Variants in STX12 observed in about 807,000 individuals in gnomAD.
The protein encoded by STX12 is syntaxin 12.
In STX12, 17 loss-of-function variants were observed where a neutral mutation model predicts 42.2. That is an observed-to-expected ratio of 0.40 (90% CI 0.28 to 0.60). The LOEUF is 0.60. Ranked by LOEUF, STX12 falls within the 20% of genes least tolerant of loss-of-function variation. STX12 has a pLI of 0.39. For missense variants in STX12, 297 were observed against 330.9 expected, an observed-to-expected ratio of 0.90 and a Z score of 0.79; for synonymous variants, 108 against 116.7, an observed-to-expected ratio of 0.93 and a Z score of 0.48.
intron 5 of STX12, among the ~76,000 whole-genome samples, chr1:27,810,835 T>C (rs1157013674): frequency 6.6e-6 from 1 of 152,166 alleles, no homozygotes; most frequent in Non-Finnish European, 1.5e-5. Flanking sequence ...CACTACACTA[T>C]GAGCACCTCA....
At chr1:27,803,100 C>T (rs182330148) in intron 4 of STX12, among the ~76,000 whole-genome samples, 88 of 152,112 alleles carry the variant, frequency 5.8e-4, no homozygotes, top group African/African-American at 2.1e-3. Context: ...AAAGATCTAA[C>T]GTAGTTTTAA....
At chr1:27,791,447 T>C (rs1487195263) in intron 2 of STX12, among the ~76,000 whole-genome samples, 1 of 152,158 alleles carries the variant, frequency 6.6e-6, no homozygotes, top group Non-Finnish European at 1.5e-5. Flanking sequence ...AGACTGATAG[T>C]AGGGACTCCT....
chr1:27,819,825 C>T, intron 8 of STX12, 93 bp downstream of exon 8: 1 of 1,108,538 alleles, frequency 9.0e-7, no homozygotes, highest in Non-Finnish European at 1.3e-6. Context: ...ACAGCCTTTG[C>T]TTAGGTTTAA....
At chr1:27,785,669 G>A (rs2088694606) in intron 1 of STX12, among the ~76,000 whole-genome samples, 1 of 152,172 alleles carries the variant, frequency 6.6e-6, no homozygotes, top group Admixed American at 6.5e-5. Context: ...CATCTAGTTA[G>A]TCGTCAAGTC....
intron 5 of STX12, among the ~76,000 whole-genome samples, chr1:27,810,536 A>G (rs1477737899): frequency 6.6e-6 from 1 of 152,178 alleles, no homozygotes; most frequent in African/African-American, 2.4e-5. Flanking sequence ...TCTATGTGTT[A>G]AGCAGAGAGC....
rs1403403031 is a variant in STX12 at position 27,801,725 on chromosome 1, A to G, written c.336A>G (p.Ala112=). 6.3e-7 allele frequency: 1 copy of G among 1,587,230 alleles called. No individual in the cohort carries two copies. The highest frequency in any genetic ancestry group is 8.5e-7 in the Non-Finnish European group (1 of 1,170,832). Residue 112 remains alanine, a synonymous_variant, in exon 4 of 9, where the codon GCA becomes GCG. Coordinates refer to ENST00000373943, the MANE Select transcript of STX12 (RefSeq NM_177424.3). ...AACGCCTCATGAATGACTTCTCTGC[A>G]GCCTTAAACAATTTCCAGGCTGTGC... is the stretch of plus-strand genomic sequence containing the variant. ...QKERLMNDFS[A]ALNNFQAVQR... is the part of the protein sequence containing the mutation.
chr1:27,812,953 A>T lies in STX12; in HGVS notation c.576+685A>T, dbSNP rs139452409. On this transcript the variant is annotated intron_variant, in intron 6 of 8. Coordinates refer to ENST00000373943, the MANE Select transcript of STX12 (RefSeq NM_177424.3). ...CCGGGTTAGGCAGGACTCCATGGAG[A>T]GCCCCTTTGCTTAGTCTGAAGAGCC... Among the ~76,000 whole-genome samples the T allele has an allele frequency of 6.1e-3, 930 of 152,230 alleles. 13 individuals carry two copies. The highest frequency in any genetic ancestry group is 0.021 in the African/African-American group (881 of 41,526).
At chr1:27,819,113 CA>C (rs1386977069) in intron 7 of STX12, among the ~76,000 whole-genome samples, 2 of 150,958 alleles carry the variant, frequency 1.3e-5, no homozygotes, top group Non-Finnish European at 3.0e-5. Flanking sequence ...CTGTCTTTAC[CA>C]AAAAATTAGC....
At position 27,824,073 on chromosome 1, in the gene STX12, T is replaced by G. The variant is rs1249750379; in HGVS notation, c.*1744T>G. The G allele has an allele frequency of 6.6e-6, 1 of 152,020 alleles. No individual in the cohort carries two copies. Among genetic ancestry groups the G allele is most frequent in the East Asian group, 1.9e-4 (1 of 5,198 alleles). The allele number at this position is 152,020 out of a possible 1,614,324, so 9.4% of individuals were successfully genotyped here. A position where few individuals can be genotyped will look rare whatever the true frequency, so the allele number is the denominator to read the frequency against. ...GCAAGACCCCATCTCCATTTTTTTT[T>G]TAATGATTTTTTAATTAAAAAAAAG... On this transcript the variant is annotated 3_prime_UTR_variant, in exon 9 of 9. Coordinates refer to ENST00000373943, the MANE Select transcript of STX12 (RefSeq NM_177424.3).
chr1:27,817,501 G>A (rs1018183851), intron 6 of STX12, among the ~76,000 whole-genome samples: 3 of 152,158 alleles, frequency 2.0e-5, no homozygotes, highest in Non-Finnish European at 2.9e-5. Context: ...TCATCGGGAG[G>A]CACTCAACAG....
At chr1:27,773,681 G>T (rs1200512707) in intron 1 of STX12, among the ~76,000 whole-genome samples, 1 of 152,304 alleles carries the variant, frequency 6.6e-6, no homozygotes, top group African/African-American at 2.4e-5. Flanking sequence ...CAAAACAGCC[G>T]ACTTGACAGC....
intron 2 of STX12, among the ~76,000 whole-genome samples, chr1:27,790,885 G>A (rs1438147322): frequency 1.3e-5 from 2 of 152,170 alleles, no homozygotes; most frequent in Non-Finnish European, 2.9e-5. Context: ...AGGTTGCGGT[G>A]AGCCAAGATC....
At chr1:27,777,286 G>A (rs1419360653) in intron 1 of STX12, among the ~76,000 whole-genome samples, 1 of 151,332 alleles carries the variant, frequency 6.6e-6, no homozygotes, top group Admixed American at 6.6e-5. Context: ...AATGAAATGA[G>A]CAAGAGCTGT....
chr1:27,791,706 T>C (rs2088742465), intron 2 of STX12, among the ~76,000 whole-genome samples: 8 of 152,022 alleles, frequency 5.3e-5, no homozygotes, highest in Admixed American at 5.2e-4. Flanking sequence ...TCCCAGCTAC[T>C]TGGGAGGCTG....
intron 1 of STX12, chr1:27,774,150 A>C (rs1157263942): frequency 6.6e-6 from 1 of 152,218 alleles, no homozygotes; most frequent in East Asian, 1.9e-4. Flanking sequence ...CTCTTGAACA[A>C]ATCTGGTACA....
At chr1:27,779,445 T>TGCCTCAGCCTCCC (rs1362288498) in intron 1 of STX12, among the ~76,000 whole-genome samples, 1 of 151,798 alleles carries the variant, frequency 6.6e-6, no homozygotes, top group Non-Finnish European at 1.5e-5. Flanking sequence ...GCAGTTCTCC[T>TGCCTCAGCCTCCC]GCCTCAGCCT....
At chr1:27,795,246 A>T (rs2088776069) in intron 3 of STX12, among the ~76,000 whole-genome samples, 1 of 152,024 alleles carries the variant, frequency 6.6e-6, no homozygotes, top group Non-Finnish European at 1.5e-5. Flanking sequence ...ATATTGTTAT[A>T]TGGAACTGTT....
chr1:27,804,240 A>T (rs2088845033), intron 4 of STX12, among the ~76,000 whole-genome samples: 1 of 151,608 alleles, frequency 6.6e-6, no homozygotes, highest in Admixed American at 6.6e-5. Flanking sequence ...AGCCTGGCCA[A>T]CATGGAGAAA....
intron 3 of STX12, among the ~76,000 whole-genome samples, chr1:27,795,787 G>C (rs189076487): frequency 2.6e-5 from 4 of 152,020 alleles, no homozygotes; most frequent in African/African-American, 9.7e-5. Context: ...GTCTATATAC[G>C]GGCTGTTTAT....
Sources: allele counts gnomAD v4.1 joint callset (sites outside exome capture counted in the v4.1 genomes callset), GRCh38; gene constraint gnomAD v4.1.1; transcripts MANE v1.5; gene names NCBI Gene and HGNC (gene_info 2026-07-23, HGNC 2026-07-21).